Variants in DRC11 observed in about 807,000 individuals in gnomAD.
DRC11 encodes IQ and AAA domain-containing protein 1.
At chr2:236,378,849 C>T in the DRC11 span, among the ~76,000 whole-genome samples, 1 of 152,132 alleles carries the variant, frequency 6.6e-6, no homozygotes. Context: ...GCACCTGAGA[C>T]TCAAAACGCT....
chr2:236,394,369 A>G, the DRC11 span, among the ~76,000 whole-genome samples: 1 of 152,170 alleles, frequency 6.6e-6, no homozygotes, highest in African/African-American at 2.4e-5. This position sits in a 1 kb window ranked among gnomAD's most constrained non-coding sequence, Gnocchi z 7.0. Flanking sequence ...GCAGTGGCTC[A>G]TGCCTGTAAT....
At chr2:236,312,152 A>G in the DRC11 span, among the ~76,000 whole-genome samples, 2 of 152,190 alleles carry the variant, frequency 1.3e-5, no homozygotes, top group Middle Eastern at 3.2e-3. Flanking sequence ...AGAGATAAGG[A>G]TTTAGTACAA....
At chr2:236,446,737 C>T in the DRC11 span, among the ~76,000 whole-genome samples, 2 of 152,222 alleles carry the variant, frequency 1.3e-5, no homozygotes, top group South Asian at 4.1e-4. This position sits in a 1 kb window ranked among gnomAD's most constrained non-coding sequence, Gnocchi z 6.2. Context: ...CAACTGGAAT[C>T]GCAAAATGCT....
At chr2:236,357,520 TTA>T in the DRC11 span, among the ~76,000 whole-genome samples, 6 of 125,276 alleles carry the variant, frequency 4.8e-5, no homozygotes, top group South Asian at 2.4e-4. Flanking sequence ...ATAAATATAT[TTA>T]TATATTATGA....
chr2:236,376,595 T>G, the DRC11 span, among the ~76,000 whole-genome samples: 1 of 152,202 alleles, frequency 6.6e-6, no homozygotes, highest in Non-Finnish European at 1.5e-5. The surrounding 1 kb of genome is among the most constrained non-coding windows in gnomAD (Gnocchi z 5.7). Context: ...TGTTTTCAGG[T>G]CATCATGGTG....
the DRC11 span, among the ~76,000 whole-genome samples, chr2:236,429,171 G>C: frequency 6.6e-6 from 1 of 152,288 alleles, no homozygotes; most frequent in South Asian, 2.1e-4. This position sits in a 1 kb window ranked among gnomAD's most constrained non-coding sequence, Gnocchi z 5.9. Flanking sequence ...CCAAGTGTTG[G>C]GGTATGTGGT....
At chr2:236,471,580 A>G in the DRC11 span, among the ~76,000 whole-genome samples, 2 of 152,246 alleles carry the variant, frequency 1.3e-5, no homozygotes, top group Non-Finnish European at 2.9e-5. This position sits in a 1 kb window ranked among gnomAD's most constrained non-coding sequence, Gnocchi z 4.6. Context: ...TTAATAGCTA[A>G]CACTTACGTA....
the DRC11 span, among the ~76,000 whole-genome samples, chr2:236,388,734 C>T: frequency 2.0e-4 from 30 of 150,112 alleles, no homozygotes; most frequent in South Asian, 3.2e-3. Context: ...GGAGGAGAGG[C>T]GCTCTGCTTT....
the DRC11 span, among the ~76,000 whole-genome samples, chr2:236,357,347 T>A: frequency 1.0e-5 from 1 of 96,472 alleles, no homozygotes; most frequent in African/African-American, 6.5e-5. Flanking sequence ...AATATATATA[T>A]TATATGTATA....
chr2:236,507,374 T>C, the DRC11 span: 78 of 1,181,644 alleles, frequency 6.6e-5, no homozygotes, highest in East Asian at 1.6e-3. Context: ...TACAGAGGAT[T>C]TGGGTGGGGG....
At chr2:236,392,172 T>C in the DRC11 span, 1 of 1,480,808 alleles carries the variant, frequency 6.8e-7, no homozygotes, top group Non-Finnish European at 9.4e-7. This position sits in a 1 kb window ranked among gnomAD's most constrained non-coding sequence, Gnocchi z 5.1. Context: ...AGGTCATTAG[T>C]AGGAAATTGT....
chr2:236,363,669 G>A, the DRC11 span: 1 of 842,130 alleles, frequency 1.2e-6, no homozygotes, highest in East Asian at 2.4e-5. This position sits in a 1 kb window ranked among gnomAD's most constrained non-coding sequence, Gnocchi z 5.6. Flanking sequence ...AGTAGACAAT[G>A]AGGAAATTTA....
chr2:236,491,050 A>ATATATATATGTATATATATATACAG, the DRC11 span, among the ~76,000 whole-genome samples: 1 of 139,466 alleles, frequency 7.2e-6, no homozygotes, highest in Non-Finnish European at 1.5e-5. Flanking sequence ...TATACAGTAT[A>ATATATATATGTATATATATATACAG]TATATATATA....
At chr2:236,346,098 A>C in the DRC11 span, among the ~76,000 whole-genome samples, 3 of 152,244 alleles carry the variant, frequency 2.0e-5, no homozygotes, top group Admixed American at 1.3e-4. Context: ...AAAGAGTGCC[A>C]GCCAAGCACC....
chr2:236,498,613 C>A, the DRC11 span, among the ~76,000 whole-genome samples: 1 of 152,086 alleles, frequency 6.6e-6, no homozygotes, highest in African/African-American at 2.4e-5. Flanking sequence ...GGAGTATGAC[C>A]CTCTTGTCCA....
At chr2:236,365,386 G>A in the DRC11 span, among the ~76,000 whole-genome samples, 1 of 152,072 alleles carries the variant, frequency 6.6e-6, no homozygotes, top group African/African-American at 2.4e-5. The surrounding 1 kb of genome is among the most constrained non-coding windows in gnomAD (Gnocchi z 7.4). Flanking sequence ...TGGGCAGAAT[G>A]GTAGCATGCG....
chr2:236,390,674 T>C, the DRC11 span, among the ~76,000 whole-genome samples: 1 of 151,766 alleles, frequency 6.6e-6, no homozygotes, highest in Non-Finnish European at 1.5e-5. This position sits in a 1 kb window ranked among gnomAD's most constrained non-coding sequence, Gnocchi z 5.9. Flanking sequence ...AGCAGCACAA[T>C]GGTTGCAGTA....
the DRC11 span, among the ~76,000 whole-genome samples, chr2:236,469,580 T>C: frequency 1.3e-5 from 2 of 152,254 alleles, no homozygotes; most frequent in Non-Finnish European, 1.5e-5. This position sits in a 1 kb window ranked among gnomAD's most constrained non-coding sequence, Gnocchi z 5.8. Flanking sequence ...TATTACACCA[T>C]GCTGTGCTGT....
At chr2:236,437,777 T>G in the DRC11 span, among the ~76,000 whole-genome samples, 59 of 152,340 alleles carry the variant, frequency 3.9e-4, no homozygotes, top group South Asian at 2.7e-3. Context: ...TTGCCCACTT[T>G]TTGATGGGGT....
Sources: allele counts gnomAD v4.1 joint callset (sites outside exome capture counted in the v4.1 genomes callset), GRCh38; gene constraint gnomAD v4.1.1; non-coding constraint Gnocchi (gnomAD v3.1); transcripts MANE v1.5; gene names NCBI Gene and HGNC (gene_info 2026-07-23, HGNC 2026-07-21).